Variants in AMPD1 observed in about 807,000 individuals in gnomAD.
The protein encoded by AMPD1 is AMP deaminase 1.
In AMPD1, 74 loss-of-function variants were observed where a neutral mutation model predicts 82.9. That is an observed-to-expected ratio of 0.89 (90% CI 0.74 to 1.08). The LOEUF (loss-of-function observed/expected upper bound fraction) is 1.08. AMPD1 is among the 50% of genes least tolerant of loss of function. The pLI, the probability that AMPD1 is intolerant of heterozygous loss-of-function variation, is 0.00. For missense variants in AMPD1, 881 were observed against 924.5 expected (o/e 0.95, Z 0.61); for synonymous variants, 333 against 320.5 (o/e 1.04, Z -0.42).
rs764716371 is a variant in AMPD1 at position 114,688,535 on chromosome 1, C to T, written c.215+26G>A. On this transcript the variant is annotated intron_variant, in intron 3 of 15. Coordinates refer to ENST00000520113, the MANE Select transcript of AMPD1 (RefSeq NM_000036.3). ...ATACCCCTCCTTAGGTGCCAATATA[C>T]TAAGCACTCCCCTTACACCACTTAC... The T allele has an allele frequency of 7.4e-6, 12 of 1,613,522 alleles. No individual in the cohort carries two copies. In the South Asian group the frequency reaches 1.3e-4, roughly 18 times the overall value.
chr1:114,684,930 T>C (rs1446826679), intron 4 of AMPD1, among the ~76,000 whole-genome samples: 2 of 152,190 alleles, frequency 1.3e-5, no homozygotes, highest in East Asian at 1.9e-4. Context: ...TAAAGAGAAT[T>C]TTATTTCTGG....
rs11589112 is a variant in AMPD1, at chr1:114,680,692, C to T, written c.548-214G>A. ...CTATAAAAATAATATATTGGCCAGG[C>T]GCAGTGGCTCGTGCCTGTAATCCCA... On this transcript the variant is annotated intron_variant, in intron 5 of 15. Transcript: ENST00000520113. Among the ~76,000 whole-genome samples the T allele has an allele frequency of 0.31, 47,571 of 152,108 alleles. 7,920 individuals are homozygous for T. The highest frequency in any genetic ancestry group is 0.37 in the Middle Eastern group (109 of 294).
rs949350359 is a variant in AMPD1 at position 114,679,607 on chromosome 1, G to C, written c.869C>G (p.Pro290Arg). 2 of 1,610,266 alleles carry C rather than the reference G, an allele frequency of 1.2e-6. No individual in the cohort carries two copies. The highest frequency in any genetic ancestry group is 1.7e-5 in the Admixed American group (1 of 59,594). The change falls in exon 7 of 16, where the codon CCC becomes CGC. Residue 290 changes from proline to arginine, a missense_variant. Physicochemically the swap from Pro to Arg is moderately radical, Grantham distance 103. Coordinates refer to ENST00000520113, the MANE Select transcript of AMPD1 (RefSeq NM_000036.3). ...CCTGCAGTTATAAAAATCTCGGTGGGGGTTGTTTTTCAGCTCCTTTAACTC... is the reference window on the plus strand; with the variant it reads ...CCTGCAGTTATAAAAATCTCGGTGGCGGTTGTTTTTCAGCTCCTTTAACTC... ...MDELKELKNNPHRDFYNCRKV... is the reference protein window; with the variant it reads ...MDELKELKNNRHRDFYNCRKV...
At position 114,675,891 on chromosome 1, in the gene AMPD1, C is replaced by T. The variant is rs779594991; in HGVS notation, c.1501G>A (p.Val501Ile). 6.2e-7 allele frequency: 1 copy of T among 1,614,172 alleles called. No homozygotes were observed. The highest frequency in any genetic ancestry group is 1.3e-5 in the African/African-American group (1 of 75,034). ...INPQADPELS[V>I]FLKHITGFDS... Reference sequence around the variant, plus strand: ...GTCATGCTTACATGCTTGAGGAAGACACTGAGTTCTGGGTCAGCCTGGGGG... The same window carrying T: ...GTCATGCTTACATGCTTGAGGAAGATACTGAGTTCTGGGTCAGCCTGGGGG... The change falls in exon 11 of 16, where the codon GTC becomes ATC. Residue 501 changes from valine to isoleucine, a missense_variant. Val to Ile is a conservative substitution (Grantham distance 29). This residue lies in a region of AMPD1 where 783 missense variants were observed against 786.4 expected (regional missense o/e 1.00). Transcript: ENST00000520113.
Position 114,673,966 on chromosome 1 carries a change from C to T in AMPD1, c.1917G>A (p.Gln639=). The T allele has an allele frequency of 6.2e-7, 1 of 1,614,046 alleles. No individual in the cohort carries two copies. The highest frequency in any genetic ancestry group is 1.1e-5 in the South Asian group (1 of 91,078). Residue 639 remains glutamine, a synonymous_variant, in exon 14 of 16, where the codon CAG becomes CAA. Transcript: ENST00000520113. ...YAKNPFLDFL[Q]KGLMISLSTD... is the part of the protein sequence containing the mutation. ...TAGACAGTGAGATCATTAGCCCTTT[C>T]TGAAGGAAATCCAAAAAAGGATTTT... is the stretch of plus-strand genomic sequence containing the variant.
Position 114,675,907 on chromosome 1 carries a change from A to G in AMPD1, c.1485T>C (p.Ala495=). ...PVFEATINPQ[A]DPELSVFLKH... is the part of the protein sequence containing the mutation. ...TGAGGAAGACACTGAGTTCTGGGTC[A>G]GCCTGGGGGTTGATGGTGGCCTCAA... The change falls in exon 11 of 16, where the codon GCT becomes GCC. Residue 495 remains alanine (A), a synonymous_variant. Transcript: ENST00000520113. 6.2e-7 allele frequency: 1 copy of G among 1,614,246 alleles called. No individual in the cohort carries two copies. Among genetic ancestry groups the G allele is most frequent in the Non-Finnish European group, 8.5e-7 (1 of 1,180,044 alleles).
At chr1:114,693,375 T>C in intron 2 of AMPD1, 61 bp downstream of exon 2, 1 of 1,499,576 alleles carries the variant, frequency 6.7e-7, no homozygotes, top group Non-Finnish European at 9.3e-7. Flanking sequence ...AATTAAGGAA[T>C]AGTATCATTT....
chr1:114,677,864 T>G, intron 9 of AMPD1, 46 bp downstream of exon 9: 1 of 1,462,420 alleles, frequency 6.8e-7, no homozygotes, highest in Non-Finnish European at 9.2e-7. Flanking sequence ...TTCCCTTTCC[T>G]CAAGAACCAT....
intron 2 of AMPD1, among the ~76,000 whole-genome samples, chr1:114,690,279 G>A: frequency 6.6e-6 from 1 of 152,314 alleles, no homozygotes; most frequent in African/African-American, 2.4e-5. Context: ...GACACTAAGT[G>A]AGATAATGTA....
At chr1:114,689,732 A>G (rs1658459846) in intron 2 of AMPD1, among the ~76,000 whole-genome samples, 1 of 152,140 alleles carries the variant, frequency 6.6e-6, no homozygotes, top group Non-Finnish European at 1.5e-5. Context: ...CAAGAGAATC[A>G]TTTGAACCCG....
In AMPD1 at chr1:114,673,209, T is replaced by C; in HGVS notation, c.2149A>G (p.Arg717Gly). The C allele has an allele frequency of 6.2e-7, 1 of 1,614,180 alleles. No individual in the cohort carries two copies. The highest frequency in any genetic ancestry group is 8.5e-7 in the Non-Finnish European group (1 of 1,180,008). Residue 717 changes from arginine to glycine, a missense_variant, in exon 16 of 16, where the codon AGG (arginine) becomes GGG (glycine). Around this residue, in one of 2 missense-constraint regions of AMPD1, gnomAD observed 98 missense variants for 138.1 expected, o/e 0.71. Transcript: ENST00000520113. Reference protein sequence around the residue: ...EEGPAGNDIRRTNVAQIRMAY... With the variant: ...EEGPAGNDIRGTNVAQIRMAY... ...ATGCGGATTTGGGCTACATTTGTCCTCCGGATATCATTTCCAGCAGGGCCT... is the reference window on the plus strand; with the variant it reads ...ATGCGGATTTGGGCTACATTTGTCCCCCGGATATCATTTCCAGCAGGGCCT...
chr1:114,676,102 A>G, intron 10 of AMPD1, 99 bp from the exon 11 acceptor site: 1 of 1,375,856 alleles, frequency 7.3e-7, no homozygotes. Flanking sequence ...ATGCACAGGA[A>G]AAGACGTGGT....
chr1:114,694,809 A>G (rs964706049), intron 1 of AMPD1, among the ~76,000 whole-genome samples: 6 of 152,198 alleles, frequency 3.9e-5, no homozygotes, highest in African/African-American at 1.4e-4. Context: ...GTGCCACTGC[A>G]CTCCAGCCTG....
chr1:114,691,726 G>T (rs915366058), intron 2 of AMPD1, among the ~76,000 whole-genome samples: 1 of 152,180 alleles, frequency 6.6e-6, no homozygotes, highest in Non-Finnish European at 1.5e-5. Context: ...AGAAGTTTGA[G>T]ACCAGCCTGG....
chr1:114,677,434 C>G lies in AMPD1; in HGVS notation c.1305G>C (p.Glu435Asp). The stretch of plus-strand genomic sequence containing the variant: ...CGAACCAGGAGGAGAGTTTGCTCCA[C>G]TCATCAGGACTGCGGCCATAGATGG... ...RLSIYGRSPD[E>D]WSKLSSWFVC... The change falls in exon 10 of 16, where the codon GAG becomes GAC. Residue 435 changes from glutamate to aspartate, a missense_variant. Physicochemically the swap from Glu to Asp is conservative, Grantham distance 45. Coordinates refer to ENST00000520113, the MANE Select transcript of AMPD1 (RefSeq NM_000036.3). 1 of 1,612,568 alleles carries G rather than the reference C, an allele frequency of 6.2e-7. No individual in the cohort carries two copies. Among genetic ancestry groups the G allele is most frequent in the Non-Finnish European group, 8.5e-7 (1 of 1,179,744 alleles).
In AMPD1 at chr1:114,675,631, C is replaced by T; in HGVS notation, c.1578G>A (p.Lys526=). 1.2e-6 allele frequency: 2 copies of T among 1,614,206 alleles called. No individual in the cohort carries two copies. Among genetic ancestry groups the T allele is most frequent in the Non-Finnish European group, 1.7e-6 (2 of 1,180,026 alleles). ...ATGTCCACTCCTGGGGCTTGGGACT[C>T]TTGGAGGAGAACATGTGGCCACTGT... ...SKHSGHMFSS[K]SPKPQEWTLE... Residue 526 remains lysine (K), a synonymous_variant, in exon 12 of 16, where the codon AAG becomes AAA. Coordinates refer to ENST00000520113, the MANE Select transcript of AMPD1 (RefSeq NM_000036.3).
At chr1:114,676,177 T>C (rs984561942) in intron 10 of AMPD1, 174 bp from the exon 11 acceptor site, 2 of 766,376 alleles carry the variant, frequency 2.6e-6, no homozygotes, top group East Asian at 5.6e-5. Context: ...GGGATTCAGT[T>C]TGGGCAGCAC....
intron 3 of AMPD1, 23 bp downstream of exon 3, chr1:114,688,538 A>G (rs1221959195): frequency 1.2e-6 from 2 of 1,613,586 alleles, no homozygotes; most frequent in African/African-American, 1.3e-5. Context: ...CAATATACTA[A>G]GCACTCCCCT....
At chr1:114,678,077 C>T in intron 8 of AMPD1, 36 bp from the exon 9 acceptor site, 5 of 1,612,696 alleles carry the variant, frequency 3.1e-6, no homozygotes, top group Non-Finnish European at 4.2e-6. Flanking sequence ...TGTATTATTA[C>T]CAGAGCTGTC....
Sources: allele counts gnomAD v4.1 joint callset (sites outside exome capture counted in the v4.1 genomes callset), GRCh38; gene constraint gnomAD v4.1.1; regional missense constraint gnomAD v4.1.1; transcripts MANE v1.5; gene names NCBI Gene and HGNC (gene_info 2026-07-23, HGNC 2026-07-21).